Variants in SDC2 observed in about 807,000 individuals in gnomAD.
SDC2 encodes syndecan 2, also known as syndecan-2.
A neutral mutation model predicts 22.2 loss-of-function variants in SDC2; 13 were observed. The observed-to-expected ratio is 0.59, with a 90% confidence interval of 0.38 to 0.93. The LOEUF (loss-of-function observed/expected upper bound fraction) is 0.93. SDC2 is among the 40% of genes least tolerant of loss of function. The pLI, the probability that SDC2 is intolerant of heterozygous loss-of-function variation, is 0.00. For missense variants in SDC2, 235 were observed against 246.8 expected, an observed-to-expected ratio of 0.95 and a Z score of 0.32; for synonymous variants, 94 against 92.8, an observed-to-expected ratio of 1.01 and a Z score of -0.07.
At chr8:96,517,813 G>A (rs1401862694) in intron 1 of SDC2, among the ~76,000 whole-genome samples, 1 of 150,080 alleles carries the variant, frequency 6.7e-6, no homozygotes, top group African/African-American at 2.4e-5. Context: ...ATATATATAT[G>A]CACACATGAA....
Position 96,609,607 on chromosome 8 carries a change from G to C in SDC2, c.*59G>C. ...CTGAACTTTTCAAAATAAAGCTTTT[G>C]CATAGAATAATGAAGATCTTTGTTT... is the stretch of plus-strand genomic sequence containing the variant. On this transcript the variant is annotated 3_prime_UTR_variant, in exon 5 of 5. Coordinates refer to ENST00000302190, the MANE Select transcript of SDC2 (RefSeq NM_002998.4). 2 of 1,239,672 alleles carry C rather than the reference G, an allele frequency of 1.6e-6. No individual in the cohort carries two copies. Among genetic ancestry groups the C allele is most frequent in the Non-Finnish European group, 2.2e-6 (2 of 915,366 alleles). 76.8% of individuals were successfully genotyped at this position (1,239,672 alleles called of 1,614,324 possible).
At chr8:96,582,858 G>A (rs1219892666) in intron 1 of SDC2, among the ~76,000 whole-genome samples, 1 of 152,138 alleles carries the variant, frequency 6.6e-6, no homozygotes, top group African/African-American at 2.4e-5. Flanking sequence ...ACCTTGACAT[G>A]GAGTGGCTTC....
At chr8:96,603,641 T>G (rs1006663142) in intron 3 of SDC2, among the ~76,000 whole-genome samples, 2 of 152,128 alleles carry the variant, frequency 1.3e-5, no homozygotes, top group African/African-American at 4.8e-5. Flanking sequence ...TGGGCTTTTC[T>G]TACCCTTGCC....
rs1815140571 is a variant in SDC2, at chr8:96,609,527, T to G, written c.585T>G (p.Pro195=). Residue 195 remains proline (P), a synonymous_variant, in exon 5 of 5, where the codon CCT becomes CCG. Coordinates refer to ENST00000302190, the MANE Select transcript of SDC2 (RefSeq NM_002998.4). ...KPSSAAYQKA[P]TKEFYA ...CCAGTGCTGCTTATCAGAAGGCACC[T>G]ACTAAGGAGTTTTATGCGTAAAACT... 6.3e-7 allele frequency: 1 copy of G among 1,598,594 alleles called. No homozygotes were observed. The highest frequency in any genetic ancestry group is 1.3e-5 in the African/African-American group (1 of 74,356).
At chr8:96,566,238 A>T (rs1046311039) in intron 1 of SDC2, among the ~76,000 whole-genome samples, 3 of 152,248 alleles carry the variant, frequency 2.0e-5, no homozygotes, top group Admixed American at 6.5e-5. Context: ...ATTTTAATTT[A>T]AAAATGCATA....
At position 96,494,439 on chromosome 8, in the gene SDC2, G is replaced by T. The variant is rs893382373; in HGVS notation, c.60+108G>T. 7.0e-6 allele frequency: 7 copies of T among 993,114 alleles called. No individual in the cohort carries two copies. In the South Asian group the frequency reaches 8.1e-5, roughly 11 times the overall value. 61.5% of individuals were successfully genotyped at this position (993,114 alleles called of 1,614,324 possible). The stretch of plus-strand genomic sequence containing the variant: ...CACCTGGGGAACCCCCAGTCCCCAA[G>T]TATACACCGGAGATCCGCTGGGACA... On this transcript the variant is annotated intron_variant, in intron 1 of 4. Transcript: ENST00000302190.
rs183260213 is a variant in SDC2 at position 96,542,494 on chromosome 8, G to A, written c.60+48163G>A. 5.3e-3 allele frequency among the ~76,000 whole-genome samples: 800 copies of A among 152,238 alleles called. 1 individual carries two copies. Among genetic ancestry groups the A allele is most frequent in the Non-Finnish European group, 8.6e-3 (582 of 68,020 alleles). ...TATTAATGCCTCTTTAGCAGTGAAG[G>A]CTAGATAGTCTTCTGTTTACAGCAG... On this transcript the variant is annotated intron_variant, in intron 1 of 4. Coordinates refer to ENST00000302190, the MANE Select transcript of SDC2 (RefSeq NM_002998.4).
rs913804879 is a variant in SDC2 at position 96,611,620 on chromosome 8, G to C, written c.*2072G>C. The stretch of plus-strand genomic sequence containing the variant: ...GGTAGGAATGGGTATACCTCTAACT[G>C]TGCAAAGCAGAGTGAAATTCAATTC... On this transcript the variant is annotated 3_prime_UTR_variant, in exon 5 of 5. Coordinates refer to ENST00000302190, the MANE Select transcript of SDC2 (RefSeq NM_002998.4). 4.6e-5 allele frequency: 7 copies of C among 152,570 alleles called. No homozygotes were observed. Among genetic ancestry groups the C allele is most frequent in the African/African-American group, 1.7e-4 (7 of 41,428 alleles). The allele number at this position is 152,570 out of a possible 1,614,324, so 9.5% of individuals were successfully genotyped here. A position where few individuals can be genotyped will look rare whatever the true frequency, so the allele number is the denominator to read the frequency against.
At chr8:96,583,734 A>C (rs1009853279) in intron 1 of SDC2, among the ~76,000 whole-genome samples, 2 of 150,648 alleles carry the variant, frequency 1.3e-5, no homozygotes, top group African/African-American at 4.9e-5. Context: ...TATATATGAG[A>C]AATTGCAATA....
intron 1 of SDC2, among the ~76,000 whole-genome samples, chr8:96,535,599 A>G (rs1813742190): frequency 1.3e-5 from 2 of 152,218 alleles, no homozygotes; most frequent in Admixed American, 6.5e-5. Flanking sequence ...ACGAAGAGGA[A>G]TTCCTGTGAT....
At chr8:96,582,227 G>T (rs1406743631) in intron 1 of SDC2, among the ~76,000 whole-genome samples, 1 of 151,486 alleles carries the variant, frequency 6.6e-6, no homozygotes, top group Non-Finnish European at 1.5e-5. Context: ...AAAAATTTTG[G>T]CCAGGAACAG....
chr8:96,542,809 A>G (rs912249614), intron 1 of SDC2, among the ~76,000 whole-genome samples: 4 of 152,200 alleles, frequency 2.6e-5, no homozygotes, highest in African/African-American at 9.7e-5. Flanking sequence ...CCAGCATGAT[A>G]GTTCTAAGTA....
rs10107627 is a variant in SDC2, at chr8:96,582,032, C to T, written c.61-11448C>T. 6.0e-3 allele frequency among the ~76,000 whole-genome samples: 920 copies of T among 152,332 alleles called. 6 individuals are homozygous for T. Among genetic ancestry groups the T allele is most frequent in the African/African-American group, 0.021 (886 of 41,572 alleles). On this transcript the variant is annotated intron_variant, in intron 1 of 4. Transcript: ENST00000302190. ...ATGTCAGTTTGACCGGGAGCTAATG[C>T]TTCTGCCCCAACTGCCATGGTGCAG...
intron 1 of SDC2, among the ~76,000 whole-genome samples, chr8:96,535,930 GA>G (rs1047007950): frequency 3.9e-5 from 6 of 152,230 alleles, no homozygotes; most frequent in African/African-American, 1.4e-4. Flanking sequence ...GCAGTTTTAT[GA>G]AACGTAAAAA....
intron 1 of SDC2, among the ~76,000 whole-genome samples, chr8:96,544,277 C>A (rs1813897581): frequency 6.6e-6 from 1 of 152,120 alleles, no homozygotes; most frequent in Non-Finnish European, 1.5e-5. Flanking sequence ...ACCATCCTAC[C>A]GGTATACCTT....
intron 1 of SDC2, among the ~76,000 whole-genome samples, chr8:96,502,189 A>T (rs1005733346): frequency 2.0e-5 from 3 of 152,316 alleles, no homozygotes; most frequent in African/African-American, 7.2e-5. Flanking sequence ...CACGTCCTAC[A>T]TGGTGGCAGG....
intron 1 of SDC2, among the ~76,000 whole-genome samples, chr8:96,518,329 A>G (rs1312351928): frequency 6.7e-6 from 1 of 149,802 alleles, no homozygotes; most frequent in Non-Finnish European, 1.5e-5. Flanking sequence ...TGCCTTGTGG[A>G]CCTAGTTGGA....
intron 2 of SDC2, among the ~76,000 whole-genome samples, 158 bp from the exon 3 acceptor site, chr8:96,602,237 T>C (rs998829476): frequency 1.4e-4 from 21 of 152,240 alleles, no homozygotes; most frequent in African/African-American, 4.8e-4. Flanking sequence ...TTCTTCATCA[T>C]GGTGAAGACC....
chr8:96,532,181 T>C (rs1287287425), intron 1 of SDC2, among the ~76,000 whole-genome samples: 1 of 152,158 alleles, frequency 6.6e-6, no homozygotes, highest in Non-Finnish European at 1.5e-5. Context: ...ATAAATATGA[T>C]AAATAAGTAC....
Sources: allele counts gnomAD v4.1 joint callset (sites outside exome capture counted in the v4.1 genomes callset), GRCh38; gene constraint gnomAD v4.1.1; transcripts MANE v1.5; gene names NCBI Gene and HGNC (gene_info 2026-07-23, HGNC 2026-07-21).